The following RABGAP1L variants were observed in gnomAD, a reference collection of about 807,000 sequenced individuals.
RABGAP1L encodes rab GTPase-activating protein 1-like.
A neutral mutation model predicts 137.7 loss-of-function variants in RABGAP1L; 63 were observed. The observed-to-expected ratio is 0.46, with a 90% CI of 0.37 to 0.56. The LOEUF is 0.56. Among genes scored for constraint, RABGAP1L ranks in the 20% least tolerant of loss-of-function variants. The probability of loss-of-function intolerance (pLI) is 0.00; values close to 1 mark genes in which losing one functional copy is unlikely to be tolerated. For missense variants in RABGAP1L, 1,095 were observed against 1,244.0 expected (o/e 0.88, Z 1.80); for synonymous variants, 431 against 433.7 (o/e 0.99, Z 0.08).
chr1:174,892,494 G>T, intron 19 of RABGAP1L: 2 of 478,806 alleles, frequency 4.2e-6, no homozygotes, highest in Non-Finnish European at 4.2e-6. Context: ...TTTCTACTTT[G>T]TAAGTTACTG....
chr1:174,885,311 A>G (rs928711340), intron 19 of RABGAP1L, among the ~76,000 whole-genome samples: 3 of 152,206 alleles, frequency 2.0e-5, no homozygotes, highest in African/African-American at 7.2e-5. Flanking sequence ...AAGAAAATTA[A>G]TTGTCAATAT....
chr1:174,657,453 A>G (rs1557957595), intron 14 of RABGAP1L, among the ~76,000 whole-genome samples: 1 of 152,084 alleles, frequency 6.6e-6, no homozygotes, highest in Non-Finnish European at 1.5e-5. Context: ...TTCTTCTATG[A>G]GATCAACTTT....
At chr1:174,820,850 C>G (rs1414501494) in intron 19 of RABGAP1L, among the ~76,000 whole-genome samples, 1 of 151,992 alleles carries the variant, frequency 6.6e-6, no homozygotes, top group Non-Finnish European at 1.5e-5. Flanking sequence ...AAACCCGTAT[C>G]TACTAAAATA....
At chr1:174,425,559 G>A (rs1651849866) in intron 13 of RABGAP1L, among the ~76,000 whole-genome samples, 1 of 151,966 alleles carries the variant, frequency 6.6e-6, no homozygotes, top group Admixed American at 6.6e-5. Context: ...CAAAATGTGA[G>A]GAACAAATTA....
At chr1:174,689,686 A>G (rs770359128) in intron 15 of RABGAP1L, among the ~76,000 whole-genome samples, 1 of 152,140 alleles carries the variant, frequency 6.6e-6, no homozygotes, top group African/African-American at 2.4e-5. Flanking sequence ...ATTTAAAGTG[A>G]CACACAACAA....
intron 13 of RABGAP1L, among the ~76,000 whole-genome samples, chr1:174,498,850 C>A (rs933900943): frequency 6.6e-6 from 1 of 151,308 alleles, no homozygotes; most frequent in Non-Finnish European, 1.5e-5. Flanking sequence ...GCATTACTTT[C>A]TCCTCAAAAA....
At chr1:174,937,124 TCC>T (rs1479537499) in intron 19 of RABGAP1L, among the ~76,000 whole-genome samples, 1 of 151,196 alleles carries the variant, frequency 6.6e-6, no homozygotes, top group Non-Finnish European at 1.5e-5. Flanking sequence ...GACTACAGGC[TCC>T]TGCCACCACG....
intron 19 of RABGAP1L, among the ~76,000 whole-genome samples, chr1:174,820,141 T>C (rs1297754816): frequency 6.6e-6 from 1 of 152,132 alleles, no homozygotes; most frequent in Non-Finnish European, 1.5e-5. Context: ...AAATCTACAG[T>C]GTTTTGTAAT....
intron 13 of RABGAP1L, among the ~76,000 whole-genome samples, chr1:174,534,801 A>AAAAAAAAAAAAT (rs1664768772): frequency 6.9e-6 from 1 of 144,568 alleles, no homozygotes; most frequent in East Asian, 1.9e-4. Context: ...AAAAAAAAAA[A>AAAAAAAAAAAAT]AAATAATTAG....
chr1:174,245,272 A>G (rs1205824384), intron 5 of RABGAP1L: 2 of 152,244 alleles, frequency 1.3e-5, no homozygotes, highest in African/African-American at 4.8e-5. Flanking sequence ...GGGTTGCACC[A>G]TGTTGGTCAG....
intron 4 of RABGAP1L, among the ~76,000 whole-genome samples, chr1:174,238,586 C>G (rs1039305085): frequency 5.3e-4 from 81 of 151,684 alleles, no homozygotes; most frequent in African/African-American, 1.8e-3. Flanking sequence ...GCTCGGGGGT[C>G]AGGGGTCAGG....
At chr1:174,494,840 A>AG (rs1264072591) in intron 13 of RABGAP1L, among the ~76,000 whole-genome samples, 1 of 152,130 alleles carries the variant, frequency 6.6e-6, no homozygotes, top group African/African-American at 2.4e-5. Flanking sequence ...GCCAGGAAAA[A>AG]GGGGAGAGGG....
intron 13 of RABGAP1L, among the ~76,000 whole-genome samples, chr1:174,424,616 GTAATTT>G (rs1325157611): frequency 6.6e-6 from 1 of 152,012 alleles, no homozygotes; most frequent in Admixed American, 6.6e-5. Context: ...AAGGTGCTGA[GTAATTT>G]TAACCACATG....
At chr1:174,909,017 CA>C (rs74612062) in intron 19 of RABGAP1L, among the ~76,000 whole-genome samples, 144,037 of 148,412 alleles carry the variant, frequency 0.97, 69,940 homozygotes, top group East Asian at 1. Flanking sequence ...ACTAAAAATA[CA>C]AAAAAAAACC....
intron 13 of RABGAP1L, among the ~76,000 whole-genome samples, chr1:174,578,199 T>C (rs1014594190): frequency 1.3e-5 from 2 of 152,204 alleles, no homozygotes; most frequent in African/African-American, 4.8e-5. Context: ...TTCTTTTTTC[T>C]TTATTGAGAC....
chr1:174,911,793 G>A (rs2149198328), intron 19 of RABGAP1L, among the ~76,000 whole-genome samples: 1 of 152,324 alleles, frequency 6.6e-6, no homozygotes, highest in South Asian at 2.1e-4. Context: ...AAAGATGACT[G>A]TGGAAACAGT....
intron 12 of RABGAP1L, among the ~76,000 whole-genome samples, chr1:174,392,846 T>G (rs150861283): frequency 2.0e-5 from 3 of 152,220 alleles, no homozygotes; most frequent in African/African-American, 7.2e-5. Context: ...GGGTGTTAGA[T>G]CAAACCAGAG....
chr1:174,838,664 T>C (rs1043225341), intron 19 of RABGAP1L, among the ~76,000 whole-genome samples: 3 of 151,988 alleles, frequency 2.0e-5, no homozygotes, highest in Admixed American at 1.3e-4. Context: ...GCGCTGTGGC[T>C]CACGCTTGTA....
chr1:174,173,766 A>G (rs1269267809), intron 1 of RABGAP1L, among the ~76,000 whole-genome samples: 2 of 152,038 alleles, frequency 1.3e-5, no homozygotes, highest in Non-Finnish European at 2.9e-5. Flanking sequence ...ATGAATAGAG[A>G]GTGGCAAGGA....
Sources: gnomAD v4.1 joint callset for allele counts (sites outside exome capture counted in the v4.1 genomes callset) on GRCh38, gnomAD v4.1.1 for gene constraint, MANE v1.5 for transcripts, NCBI Gene and HGNC (gene_info 2026-07-23, HGNC 2026-07-21) for gene names.